Variants in DPYSL3 observed in about 807,000 individuals in gnomAD.
DPYSL3 encodes the protein dihydropyrimidinase like 3, also known as dihydropyrimidinase-related protein 3.
In DPYSL3, 16 loss-of-function variants were observed where a neutral mutation model predicts 66.1. The observed-to-expected ratio is 0.24, with a 90% CI of 0.16 to 0.37. The LOEUF (loss-of-function observed/expected upper bound fraction) is 0.37, where lower values mean the gene tolerates loss of function less well. Among genes scored for constraint, DPYSL3 ranks in the 10% least tolerant of loss-of-function variants. The pLI, the probability that DPYSL3 is intolerant of heterozygous loss-of-function variation, is 1.00. For missense variants in DPYSL3, 738 were observed against 916.2 expected (o/e 0.81, Z 2.51); for synonymous variants, 338 against 345.1 (o/e 0.98, Z 0.23).
chr5:147,489,955 T>C (rs1161831345), intron 1 of DPYSL3, among the ~76,000 whole-genome samples: 1 of 151,912 alleles, frequency 6.6e-6, no homozygotes, highest in Non-Finnish European at 1.5e-5. Context: ...TAAAATAAAA[T>C]TTAAGAAAAG....
rs114087561 is a variant in DPYSL3, at chr5:147,474,027, G to A, written c.381+35451C>T. The stretch of plus-strand genomic sequence containing the variant: ...ATGAATTCTGGACACAGAAACACCT[G>A]GTTTTCTATCCTGGCTACATAAAAT... On this transcript the variant is annotated intron_variant, in intron 1 of 13. Transcript: ENST00000343218. Among the ~76,000 whole-genome samples, 1,080 of 152,082 alleles carry A rather than the reference G, an allele frequency of 7.1e-3. 19 individuals are homozygous for A. Among genetic ancestry groups the A allele is most frequent in the African/African-American group, 0.025 (1,018 of 41,526 alleles).
intron 10 of DPYSL3, 139 bp downstream of exon 10, chr5:147,400,553 A>G: frequency 1.7e-6 from 2 of 1,178,098 alleles, no homozygotes; most frequent in South Asian, 1.8e-5. Flanking sequence ...CCAGAGCCAC[A>G]TGGTTCCAGA....
intron 1 of DPYSL3, among the ~76,000 whole-genome samples, chr5:147,432,818 T>A (rs1465226026): frequency 1.3e-5 from 2 of 152,210 alleles, no homozygotes; most frequent in Non-Finnish European, 2.9e-5. Context: ...CTTAGTCTCA[T>A]AAATTCTAAA....
intron 6 of DPYSL3, among the ~76,000 whole-genome samples, chr5:147,411,859 T>C (rs1751860677): frequency 6.6e-6 from 1 of 152,216 alleles, no homozygotes; most frequent in Non-Finnish European, 1.5e-5. Context: ...GAAATACTCT[T>C]TGAAGGAATG....
chr5:147,429,834 G>A (rs189360510), intron 1 of DPYSL3, among the ~76,000 whole-genome samples: 142 of 152,202 alleles, frequency 9.3e-4, no homozygotes, highest in African/African-American at 3.0e-3. Context: ...TCCAAACTGC[G>A]TCCAGTTCTC....
At chr5:147,394,892 G>A (rs1017711747) in intron 13 of DPYSL3, among the ~76,000 whole-genome samples, 2 of 151,466 alleles carry the variant, frequency 1.3e-5, no homozygotes, top group African/African-American at 2.4e-5. Flanking sequence ...TTCTTTTCTT[G>A]TTATCTTACT....
At chr5:147,426,292 G>A (rs1246581904) in intron 1 of DPYSL3, among the ~76,000 whole-genome samples, 1 of 152,072 alleles carries the variant, frequency 6.6e-6, no homozygotes, top group African/African-American at 2.4e-5. Context: ...CTGGAGGTAG[G>A]ACTAAGTTTT....
At chr5:147,438,218 G>A (rs1051949577) in intron 1 of DPYSL3, among the ~76,000 whole-genome samples, 1 of 152,194 alleles carries the variant, frequency 6.6e-6, no homozygotes, top group African/African-American at 2.4e-5. Context: ...TCATTGGATA[G>A]AGAGGTGGTT....
intron 1 of DPYSL3, among the ~76,000 whole-genome samples, chr5:147,493,789 A>G (rs1351930790): frequency 6.6e-6 from 1 of 152,240 alleles, no homozygotes; most frequent in Non-Finnish European, 1.5e-5. Flanking sequence ...ACACATCTTA[A>G]CATATTTAAA....
chr5:147,408,104 C>T (rs1036355542), intron 7 of DPYSL3, among the ~76,000 whole-genome samples: 9 of 152,152 alleles, frequency 5.9e-5, no homozygotes, highest in African/African-American at 2.2e-4. Flanking sequence ...CTTGACTTTG[C>T]TCTAGGTGCT....
chr5:147,405,595 G>C lies in DPYSL3; in HGVS notation c.1153+15C>G, dbSNP rs566681803. 1 of 1,606,796 alleles carries C rather than the reference G, an allele frequency of 6.2e-7. No individual in the cohort carries two copies. Among genetic ancestry groups the C allele is most frequent in the South Asian group, 1.1e-5 (1 of 89,732 alleles). The stretch of plus-strand genomic sequence containing the variant: ...GTGCCATCAGGGGCTCCGAGATCTT[G>C]GAAACACAAATCACCTTTTTTCCTG... On this transcript the variant is annotated intron_variant, in intron 8 of 13. Coordinates refer to ENST00000343218, the MANE Select transcript of DPYSL3 (RefSeq NM_001197294.2).
intron 1 of DPYSL3, among the ~76,000 whole-genome samples, chr5:147,466,079 A>G (rs935628024): frequency 3.3e-5 from 5 of 152,214 alleles, no homozygotes; most frequent in Non-Finnish European, 5.9e-5. Context: ...TATTTCTTTA[A>G]AAATTAAGAG....
chr5:147,497,065 C>T (rs1360133457), intron 1 of DPYSL3, among the ~76,000 whole-genome samples: 1 of 152,124 alleles, frequency 6.6e-6, no homozygotes, highest in African/African-American at 2.4e-5. Context: ...GAATACTATG[C>T]AGCCATAAAA....
chr5:147,472,188 T>C (rs888134351), intron 1 of DPYSL3, among the ~76,000 whole-genome samples: 1 of 152,214 alleles, frequency 6.6e-6, no homozygotes, highest in South Asian at 2.1e-4. Flanking sequence ...CACTTCATCC[T>C]AGAAAATAGG....
At chr5:147,463,644 C>G (rs1461855578) in intron 1 of DPYSL3, among the ~76,000 whole-genome samples, 1 of 152,070 alleles carries the variant, frequency 6.6e-6, no homozygotes, top group Admixed American at 6.5e-5. Flanking sequence ...ATCAGCAGCC[C>G]CAATGTGGCA....
chr5:147,446,300 A>G (rs910708820), intron 1 of DPYSL3, among the ~76,000 whole-genome samples: 2 of 152,218 alleles, frequency 1.3e-5, no homozygotes, highest in East Asian at 3.9e-4. Flanking sequence ...CCTGAAGCAC[A>G]GTGTGCTGAT....
Position 147,415,803 on chromosome 5 carries a change from A to G in DPYSL3, c.726T>C (p.Asp242=). 1 of 1,614,046 alleles carries G rather than the reference A, an allele frequency of 6.2e-7. No homozygotes were observed. Among genetic ancestry groups the G allele is most frequent in the Non-Finnish European group, 8.5e-7 (1 of 1,179,982 alleles). The change falls in exon 4 of 14, where the codon GAT becomes GAC. Residue 242 remains aspartate, a synonymous_variant. Transcript: ENST00000343218. ...GGGCATAGTCACAGCAACTCTTCCC[A>G]TCAGCCCACTCTCTCCATTTCTCAT... ...EAYEKWREWA[D]GKSCCDYALH...
chr5:147,407,101 A>G (rs1220995389), intron 7 of DPYSL3, among the ~76,000 whole-genome samples: 1 of 152,096 alleles, frequency 6.6e-6, no homozygotes, highest in Non-Finnish European at 1.5e-5. Flanking sequence ...GTATGCTTGA[A>G]TTGAACAGGG....
At chr5:147,467,295 A>C (rs1753024306) in intron 1 of DPYSL3, among the ~76,000 whole-genome samples, 1 of 152,236 alleles carries the variant, frequency 6.6e-6, no homozygotes, top group Admixed American at 6.5e-5. Flanking sequence ...ATATGCTGAC[A>C]CAAAAAAGGG....
Sources: gnomAD v4.1 joint callset for allele counts (sites outside exome capture counted in the v4.1 genomes callset) on GRCh38, gnomAD v4.1.1 for gene constraint, MANE v1.5 for transcripts, NCBI Gene and HGNC (gene_info 2026-07-23, HGNC 2026-07-21) for gene names.